The following MGAT5 variants were observed in gnomAD, a reference collection of about 807,000 sequenced individuals.
The protein encoded by MGAT5 is alpha-1,6-mannosylglycoprotein 6-beta-N-acetylglucosaminyltransferase A.
In MGAT5, 30 loss-of-function variants were observed where a neutral mutation model predicts 94.3. The observed-to-expected ratio is 0.32, with a 90% CI of 0.24 to 0.43. The LOEUF (loss-of-function observed/expected upper bound fraction) is 0.43, where lower values mean the gene tolerates loss of function less well. Among genes scored for constraint, MGAT5 ranks in the 20% least tolerant of loss-of-function variants. The pLI is 1.00. For synonymous variants in MGAT5, 310 were observed against 322.9 expected (o/e 0.96, Z 0.43); for missense variants, 691 against 905.5 (o/e 0.76, Z 3.04).
intron 1 of MGAT5, among the ~76,000 whole-genome samples, chr2:134,126,712 A>G (rs1685853459): frequency 1.3e-5 from 2 of 152,226 alleles, no homozygotes; most frequent in South Asian, 4.1e-4. Flanking sequence ...AGATTCAAAG[A>G]GTAGAGAAGA....
At chr2:134,338,197 G>A (rs1468866432) in intron 5 of MGAT5, 62 bp from the exon 6 acceptor site, 1 of 1,389,966 alleles carries the variant, frequency 7.2e-7, no homozygotes, top group Non-Finnish European at 9.8e-7. Flanking sequence ...GTCACATCAT[G>A]AAAACTATTA....
intron 13 of MGAT5, among the ~76,000 whole-genome samples, chr2:134,427,849 A>C (rs572243765): frequency 1.3e-5 from 2 of 152,244 alleles, no homozygotes; most frequent in African/African-American, 2.4e-5. Context: ...AATACAGACC[A>C]AATACAGGTC....
At chr2:134,301,604 T>A (rs572374159) in intron 2 of MGAT5, among the ~76,000 whole-genome samples, 14 of 152,298 alleles carry the variant, frequency 9.2e-5, no homozygotes, top group Middle Eastern at 6.8e-3. Context: ...GAGAGGCGTG[T>A]GTCTATTAAG....
At chr2:134,180,011 A>C (rs1163855070) in intron 1 of MGAT5, among the ~76,000 whole-genome samples, 11 of 152,248 alleles carry the variant, frequency 7.2e-5, no homozygotes, top group Admixed American at 7.2e-4. Flanking sequence ...AAAGACTCCC[A>C]GCAGCACCGT....
At chr2:134,189,602 G>GTTGTTTTTTTT (rs1689232395) in intron 1 of MGAT5, among the ~76,000 whole-genome samples, 23 of 84,670 alleles carry the variant, frequency 2.7e-4, no homozygotes, top group African/African-American at 1.0e-3. Context: ...GTTTTTTTTT[G>GTTGTTTTTTTT]TTTTTTTTTT....
chr2:134,403,121 T>A lies in MGAT5; in HGVS notation c.1514T>A (p.Leu505His). ...GILSGRDLQF[L>H]LRETKLFVGL... ...CTCAGTGGACGGGACCTGCAGTTCC[T>A]TCTTCGAGAAACCAAGGTAAAAATT... The change falls in exon 11 of 16, where the codon CTT becomes CAT. Residue 505 changes from leucine to histidine, a missense_variant. Transcript: ENST00000281923. 6.2e-7 allele frequency: 1 copy of A among 1,602,116 alleles called. No individual in the cohort carries two copies. The highest frequency in any genetic ancestry group is 8.5e-7 in the Non-Finnish European group (1 of 1,177,466).
chr2:134,448,575 G>T, intron 15 of MGAT5, 74 bp from the exon 16 acceptor site: 3 of 1,386,074 alleles, frequency 2.2e-6, no homozygotes, highest in Middle Eastern at 2.0e-4. Flanking sequence ...CAAGATGGGG[G>T]CTCACAGGGC....
intron 1 of MGAT5, among the ~76,000 whole-genome samples, chr2:134,266,911 G>C (rs3791273): frequency 0.14 from 22,001 of 152,148 alleles, 2,577 homozygotes; most frequent in East Asian, 0.36. Flanking sequence ...TTTTTAGTAG[G>C]CTTATATTCC....
At chr2:134,169,413 G>GACACACACACAC (rs71660291) in intron 1 of MGAT5, among the ~76,000 whole-genome samples, 8 of 126,976 alleles carry the variant, frequency 6.3e-5, no homozygotes, top group African/African-American at 2.1e-4. Flanking sequence ...CACACACACA[G>GACACACACACAC]ACACACACAC....
intron 1 of MGAT5, among the ~76,000 whole-genome samples, chr2:134,140,601 G>A (rs1014610805): frequency 2.0e-5 from 3 of 152,198 alleles, no homozygotes; most frequent in African/African-American, 7.2e-5. Context: ...CAGAAACAGG[G>A]CACAAAGGTT....
At chr2:134,165,795 A>C (rs1687942103) in intron 1 of MGAT5, among the ~76,000 whole-genome samples, 1 of 151,616 alleles carries the variant, frequency 6.6e-6, no homozygotes, top group Non-Finnish European at 1.5e-5. Context: ...AATTCTAGGG[A>C]GCCAGCAATG....
intron 10 of MGAT5, among the ~76,000 whole-genome samples, chr2:134,381,834 A>T (rs1391420571): frequency 2.0e-5 from 3 of 152,194 alleles, no homozygotes; most frequent in Non-Finnish European, 4.4e-5. Flanking sequence ...TTCAATTTGT[A>T]ATTCTTTAGA....
At chr2:134,157,591 G>C (rs932002407) in intron 1 of MGAT5, among the ~76,000 whole-genome samples, 2 of 152,060 alleles carry the variant, frequency 1.3e-5, no homozygotes, top group African/African-American at 4.8e-5. Context: ...GTGGTTGTGG[G>C]GGATGGTGGT....
At chr2:134,230,986 C>T (rs957405999) in intron 1 of MGAT5, among the ~76,000 whole-genome samples, 2 of 152,138 alleles carry the variant, frequency 1.3e-5, no homozygotes, top group African/African-American at 4.8e-5. Context: ...ATATGTGCTA[C>T]AACATTGGAC....
At chr2:134,141,173 GTTC>G (rs1167761990) in intron 1 of MGAT5, among the ~76,000 whole-genome samples, 5 of 152,166 alleles carry the variant, frequency 3.3e-5, no homozygotes, top group African/African-American at 1.2e-4. Flanking sequence ...TTTCTACCAT[GTTC>G]TGACACAGCA....
At chr2:134,412,724 A>G in intron 11 of MGAT5, 145 bp from the exon 12 acceptor site, 1 of 974,602 alleles carries the variant, frequency 1.0e-6, no homozygotes, top group African/African-American at 1.6e-5. Context: ...TCTCTGCCCC[A>G]CCCCCCAGGG....
chr2:134,308,435 C>T (rs1336489250), intron 2 of MGAT5, among the ~76,000 whole-genome samples: 1 of 152,186 alleles, frequency 6.6e-6, no homozygotes, highest in African/African-American at 2.4e-5. Flanking sequence ...CCACATTCTT[C>T]CCATTTTGCT....
chr2:134,368,312 G>A (rs1242789835), intron 10 of MGAT5, among the ~76,000 whole-genome samples: 1 of 152,240 alleles, frequency 6.6e-6, no homozygotes, highest in Admixed American at 6.5e-5. Flanking sequence ...CGACAGCCTT[G>A]CAGCCAGTTC....
At chr2:134,284,665 C>A (rs1417047493) in intron 2 of MGAT5, among the ~76,000 whole-genome samples, 1 of 151,722 alleles carries the variant, frequency 6.6e-6, no homozygotes, top group Non-Finnish European at 1.5e-5. Flanking sequence ...TTTATTAGTT[C>A]TTTCCTCAGA....
Sources: allele counts gnomAD v4.1 joint callset (sites outside exome capture counted in the v4.1 genomes callset), GRCh38; gene constraint gnomAD v4.1.1; transcripts MANE v1.5; gene names NCBI Gene and HGNC (gene_info 2026-07-23, HGNC 2026-07-21).